SLC26A5: variants seen among roughly 807,000 people sequenced by gnomAD.
SLC26A5 encodes the protein solute carrier family 26 member 5.
In SLC26A5, 51 loss-of-function variants were observed where a neutral mutation model predicts 81.0. The observed-to-expected ratio is 0.63, with a 90% CI of 0.50 to 0.80. The LOEUF (loss-of-function observed/expected upper bound fraction) is 0.80, where lower values mean the gene tolerates loss of function less well. SLC26A5 is among the 30% of genes least tolerant of loss of function. SLC26A5 has a pLI of 0.00. For missense variants in SLC26A5, 771 were observed against 905.8 expected (o/e 0.85, Z 1.91); for synonymous variants, 325 against 332.8 (o/e 0.98, Z 0.25).
chr7:103,434,700 G>C (rs1826325532), intron 2 of SLC26A5, among the ~76,000 whole-genome samples: 1 of 151,976 alleles, frequency 6.6e-6, no homozygotes, highest in Admixed American at 6.6e-5. Flanking sequence ...TGCCCAGGCT[G>C]GAGTGCAGTG....
At chr7:103,374,795 G>A (rs1821236644) in intron 19 of SLC26A5, among the ~76,000 whole-genome samples, 3 of 150,092 alleles carry the variant, frequency 2.0e-5, no homozygotes, top group Admixed American at 6.6e-5. Context: ...CAACTCCTGC[G>A]TTCAAGCACA....
intron 2 of SLC26A5, among the ~76,000 whole-genome samples, chr7:103,438,820 T>G (rs1826658005): frequency 6.6e-6 from 1 of 152,232 alleles, no homozygotes; most frequent in Non-Finnish European, 1.5e-5. Flanking sequence ...AGTTCTGATT[T>G]CTATCACCAT....
chr7:103,390,351 C>T, intron 12 of SLC26A5, 78 bp downstream of exon 12: 1 of 1,279,146 alleles, frequency 7.8e-7, no homozygotes. Flanking sequence ...CCTAATATAG[C>T]CATAAGAACA....
intron 19 of SLC26A5, chr7:103,353,993 T>C: frequency 6.7e-7 from 1 of 1,483,902 alleles, no homozygotes; most frequent in Non-Finnish European, 9.1e-7. Context: ...CTATAGATGT[T>C]TTATGTTGAA....
intron 2 of SLC26A5, among the ~76,000 whole-genome samples, chr7:103,424,490 C>T (rs1825581412): frequency 6.6e-6 from 1 of 152,186 alleles, no homozygotes; most frequent in African/African-American, 2.4e-5. Flanking sequence ...GCATGCCATG[C>T]TTCCTCTCTT....
Position 103,360,332 on chromosome 7 carries a change from T to C in SLC26A5, c.2042-7406A>G, listed in dbSNP as rs989148707. ...GTATTATTGCTGTTTGTTGTTCTTG[T>C]TTTTCCTTTCAGGTTTTTTGGTCAG... On this transcript the variant is annotated intron_variant, in intron 19 of 19. Coordinates refer to the SLC26A5 transcript ENST00000339444. Among the ~76,000 whole-genome samples the C allele has an allele frequency of 2.0e-5, 3 of 151,496 alleles. No homozygotes were observed. The East Asian group carries it at 5.8e-4, about 29-fold the overall frequency.
chr7:103,373,351 T>C (rs75630199), downstream of SLC26A5, among the ~76,000 whole-genome samples: 10,351 of 152,280 alleles, frequency 0.068, 437 homozygotes, highest in Admixed American at 0.11. Context: ...GCATGTATCT[T>C]ATCTATGATA....
intron 1 of SLC26A5, among the ~76,000 whole-genome samples, chr7:103,444,662 A>G (rs1487054606): frequency 6.6e-6 from 1 of 152,246 alleles, no homozygotes; most frequent in African/African-American, 2.4e-5. Context: ...AACTCTGTAT[A>G]GTTTCAGAGT....
intron 9 of SLC26A5, 91 bp downstream of exon 9, chr7:103,397,840 AT>A (rs1205342283): frequency 3.1e-6 from 3 of 967,012 alleles, no homozygotes; most frequent in East Asian, 4.8e-5. Context: ...AAAAAAGATT[AT>A]TTTTCATTGC....
chr7:103,388,246 G>A (rs533645237), intron 14 of SLC26A5, among the ~76,000 whole-genome samples: 13 of 149,370 alleles, frequency 8.7e-5, no homozygotes, highest in African/African-American at 3.0e-4. Flanking sequence ...GCCCAGGCTG[G>A]AGCGTAGTGG....
rs532695997 is a variant in SLC26A5, at chr7:103,377,646, T to A, written c.1939A>T (p.Thr647Ser). 1 of 1,614,038 alleles carries A rather than the reference T, an allele frequency of 6.2e-7. No individual in the cohort carries two copies. The highest frequency in any genetic ancestry group is 1.3e-5 in the African/African-American group (1 of 75,012). Reference sequence around the variant, plus strand: ...ACAGAATCAATAAAATTGACTTGAGTGAAATCCAAAATGACAGTGTGGACG... The same window carrying A: ...ACAGAATCAATAAAATTGACTTGAGAGAAATCCAAAATGACAGTGTGGACG... ...DNVHTVILDF[T>S]QVNFIDSVGV... Residue 647 changes from threonine (T) to serine (S), a missense_variant, in exon 18 of 20, where the codon ACT (threonine) becomes TCT (serine). By Grantham distance (58) the Thr-to-Ser change is moderately conservative. Coordinates refer to ENST00000306312, the MANE Select transcript of SLC26A5 (RefSeq NM_198999.3).
chr7:103,375,503 G>T (rs1265214060), intron 19 of SLC26A5, among the ~76,000 whole-genome samples: 2 of 152,154 alleles, frequency 1.3e-5, no homozygotes, highest in Non-Finnish European at 2.9e-5. Flanking sequence ...TGCCTATGGA[G>T]CATGGTGTCA....
chr7:103,421,635 C>T, intron 2 of SLC26A5, 68 bp from the exon 3 acceptor site: 10 of 1,090,452 alleles, frequency 9.2e-6, no homozygotes, highest in Non-Finnish European at 1.2e-5. Flanking sequence ...CTAAGCATCT[C>T]TTCTTTGTGG....
At chr7:103,432,019 G>C (rs2116807848) in intron 2 of SLC26A5, among the ~76,000 whole-genome samples, 1 of 152,234 alleles carries the variant, frequency 6.6e-6, no homozygotes, top group East Asian at 1.9e-4. Context: ...GGGTTCAATA[G>C]ATTGTTGTGT....
intron 4 of SLC26A5, among the ~76,000 whole-genome samples, chr7:103,417,245 C>A (rs1028466375): frequency 4.0e-5 from 6 of 151,764 alleles, no homozygotes; most frequent in African/African-American, 1.5e-4. Context: ...TGGCACGCAC[C>A]TGTAGTCCCA....
intron 17 of SLC26A5, 56 bp from the exon 18 acceptor site, chr7:103,377,855 G>T: frequency 6.5e-7 from 1 of 1,527,384 alleles, no homozygotes; most frequent in African/African-American, 1.4e-5. Context: ...ATTTCTGGTT[G>T]TGAGAAAGAT....
intron 14 of SLC26A5, among the ~76,000 whole-genome samples, chr7:103,388,022 T>C (rs1044103583): frequency 6.6e-6 from 1 of 152,068 alleles, no homozygotes; most frequent in African/African-American, 2.4e-5. Context: ...TTTTCATCTT[T>C]ATGGTGATTT....
At chr7:103,413,736 C>G (rs985826613) in intron 4 of SLC26A5, among the ~76,000 whole-genome samples, 6 of 152,038 alleles carry the variant, frequency 3.9e-5, no homozygotes, top group African/African-American at 1.5e-4. Flanking sequence ...GTCACACCCT[C>G]TAGGGGACTC....
At chr7:103,398,066 G>A (rs1334365704) in intron 8 of SLC26A5, 52 bp from the exon 9 acceptor site, 5 of 1,307,920 alleles carry the variant, frequency 3.8e-6, no homozygotes, top group South Asian at 1.2e-5. Context: ...TTCAAATACT[G>A]CAAAAATCAG....
Sources: gnomAD v4.1 joint callset for allele counts (sites outside exome capture counted in the v4.1 genomes callset) on GRCh38, gnomAD v4.1.1 for gene constraint, MANE v1.5 for transcripts, NCBI Gene and HGNC (gene_info 2026-07-23, HGNC 2026-07-21) for gene names.